The following RASGRP3 variants were observed in gnomAD, a reference collection of about 807,000 sequenced individuals.
The protein encoded by RASGRP3 is ras guanyl-releasing protein 3.
Under a neutral mutation model 82.7 loss-of-function variants are expected in RASGRP3, and 54 were observed. That is an observed-to-expected ratio of 0.65 (90% CI 0.52 to 0.82). The LOEUF (loss-of-function observed/expected upper bound fraction) is 0.82. Among genes scored for constraint, RASGRP3 ranks in the 40% least tolerant of loss-of-function variants. The pLI, the probability that RASGRP3 is intolerant of heterozygous loss-of-function variation, is 0.00. For synonymous variants in RASGRP3, 309 were observed against 300.5 expected (o/e 1.03, Z -0.29); for missense variants, 861 against 828.9 (o/e 1.04, Z -0.48).
chr2:33,487,176 G>A (rs1363456051), intron 1 of RASGRP3, among the ~76,000 whole-genome samples: 1 of 152,040 alleles, frequency 6.6e-6, no homozygotes, highest in Non-Finnish European at 1.5e-5. Context: ...CTCTTAAAAA[G>A]TTCACAACGT....
chr2:33,549,425 G>T (rs1328520359), intron 13 of RASGRP3, among the ~76,000 whole-genome samples, 179 bp from the exon 14 acceptor site: 1 of 152,154 alleles, frequency 6.6e-6, no homozygotes, highest in Admixed American at 6.5e-5. Flanking sequence ...ACTGAAAAAG[G>T]CTTTGAACAC....
At chr2:33,450,685 G>A (rs1245762838) in intron 2 of RASGRP3, among the ~76,000 whole-genome samples, 1 of 151,962 alleles carries the variant, frequency 6.6e-6, no homozygotes, top group African/African-American at 2.4e-5. Context: ...TGAACATGGA[G>A]TGTAGGTATC....
chr2:33,505,849 C>T (rs1205710200), intron 1 of RASGRP3, among the ~76,000 whole-genome samples: 2 of 152,122 alleles, frequency 1.3e-5, no homozygotes, highest in African/African-American at 2.4e-5. Flanking sequence ...TATATCATTT[C>T]CCTGCTATGT....
At chr2:33,559,551 G>A (rs1177819089) in intron 17 of RASGRP3, 4 of 511,162 alleles carry the variant, frequency 7.8e-6, no homozygotes, top group Non-Finnish European at 1.6e-5. Context: ...CTCTGCCTCC[G>A]CATGAGCAAA....
At chr2:33,517,698 A>G (rs928320929) in intron 4 of RASGRP3, among the ~76,000 whole-genome samples, 5 of 152,194 alleles carry the variant, frequency 3.3e-5, no homozygotes, top group African/African-American at 1.2e-4. Context: ...GGTGTAGAAA[A>G]TAGGTAAGGA....
chr2:33,514,885 A>G (rs1017313334), intron 2 of RASGRP3, 125 bp from the exon 3 acceptor site: 11 of 486,076 alleles, frequency 2.3e-5, no homozygotes, highest in Non-Finnish European at 3.7e-5. Flanking sequence ...CTCAGTCACT[A>G]TGATACTTTT....
chr2:33,497,620 A>G (rs1490020363), intron 1 of RASGRP3, among the ~76,000 whole-genome samples: 2 of 152,198 alleles, frequency 1.3e-5, no homozygotes, highest in South Asian at 2.1e-4. Context: ...TTCAAGATTC[A>G]TTGGTCTATT....
intron 2 of RASGRP3, among the ~76,000 whole-genome samples, chr2:33,456,303 C>T (rs1401325865): frequency 6.6e-6 from 1 of 152,170 alleles, no homozygotes; most frequent in African/African-American, 2.4e-5. Flanking sequence ...TTTAGACCAT[C>T]TACACTGTGA....
chr2:33,523,833 C>T (rs1449560661), intron 7 of RASGRP3, 46 bp from the exon 8 acceptor site: 4 of 1,488,826 alleles, frequency 2.7e-6, no homozygotes, highest in Middle Eastern at 1.8e-4. Flanking sequence ...TTTGATTTTA[C>T]AAAGGCTCTA....
Position 33,558,408 on chromosome 2 carries a change from G to C in RASGRP3, c.1705+72G>C, listed in dbSNP as rs1448225464. 4 of 1,606,122 alleles carry C rather than the reference G, an allele frequency of 2.5e-6. No homozygotes were observed. In the East Asian group the frequency reaches 6.7e-5, roughly 27 times the overall value. On this transcript the variant is annotated intron_variant, in intron 16 of 17. Coordinates refer to ENST00000403687, the MANE Select transcript of RASGRP3 (RefSeq NM_001139488.2). The stretch of plus-strand genomic sequence containing the variant: ...CTCCTCACACTTGGACCTCATTTAG[G>C]TTCTGGGTCTAAACCCGGTCAGTCA...
intron 3 of RASGRP3, among the ~76,000 whole-genome samples, 174 bp downstream of exon 3, chr2:33,515,380 C>T (rs1574395011): frequency 6.6e-6 from 1 of 152,148 alleles, no homozygotes; most frequent in African/African-American, 2.4e-5. Context: ...TATTTCTTTC[C>T]CTTTACTGCC....
intron 1 of RASGRP3, among the ~76,000 whole-genome samples, chr2:33,506,038 A>G (rs2150989636): frequency 6.6e-6 from 1 of 152,342 alleles, no homozygotes; most frequent in East Asian, 1.9e-4. Context: ...CATAAATAAA[A>G]TGCAGTTAAG....
At chr2:33,441,464 A>T (rs571182445) in intron 1 of RASGRP3, among the ~76,000 whole-genome samples, 7 of 152,244 alleles carry the variant, frequency 4.6e-5, no homozygotes, top group Non-Finnish European at 1.0e-4. Flanking sequence ...GCCCAGAGAC[A>T]GCAGAGCCAG....
At position 33,539,077 on chromosome 2, in the gene RASGRP3, T is replaced by C. The variant is rs1673957155; in HGVS notation, c.1162-17T>C. The C allele has an allele frequency of 6.6e-7, 1 of 1,512,040 alleles. No homozygotes were observed. The highest frequency in any genetic ancestry group is 9.0e-7 in the Non-Finnish European group (1 of 1,117,090). 93.7% of individuals were successfully genotyped at this position (1,512,040 alleles called of 1,614,324 possible). ...TAATAAAGTTGAAAAATATGTGGTT[T>C]TTTTTTTGTTTATCAGCAGCCTACC... is the stretch of plus-strand genomic sequence containing the variant. On this transcript the variant is annotated splice_polypyrimidine_tract_variant and intron_variant, in intron 11 of 17. Transcript: ENST00000403687.
chr2:33,480,767 A>C (rs750708139), intron 1 of RASGRP3, among the ~76,000 whole-genome samples: 54 of 152,170 alleles, frequency 3.5e-4, no homozygotes, highest in Non-Finnish European at 6.6e-4. Context: ...GCTCACTTAT[A>C]GTCCCTGGAG....
intron 10 of RASGRP3, chr2:33,532,472 G>T (rs1466992040): frequency 6.6e-6 from 1 of 152,146 alleles, no homozygotes; most frequent in Non-Finnish European, 1.5e-5. Context: ...CAAAGACTCT[G>T]TTTTCCAAAT....
At chr2:33,516,406 TA>T in intron 3 of RASGRP3, 135 bp from the exon 4 acceptor site, 1 of 596,054 alleles carries the variant, frequency 1.7e-6, no homozygotes, top group Non-Finnish European at 2.9e-6. Flanking sequence ...GACTCCATCT[TA>T]AAAAGAAATA....
intron 11 of RASGRP3, among the ~76,000 whole-genome samples, chr2:33,535,903 T>C (rs1450719841): frequency 6.6e-6 from 1 of 152,212 alleles, no homozygotes; most frequent in Non-Finnish European, 1.5e-5. Flanking sequence ...TATGTGTGCA[T>C]ACAGAATTTC....
At chr2:33,514,986 T>C in intron 2 of RASGRP3, 24 bp from the exon 3 acceptor site, 1 of 690,566 alleles carries the variant, frequency 1.4e-6, no homozygotes, top group East Asian at 2.7e-5. Context: ...CTAATAACTT[T>C]CTCTCTTTTT....
Sources: gnomAD v4.1 joint callset for allele counts (sites outside exome capture counted in the v4.1 genomes callset) on GRCh38, gnomAD v4.1.1 for gene constraint, MANE v1.5 for transcripts, NCBI Gene and HGNC (gene_info 2026-07-23, HGNC 2026-07-21) for gene names.